Variants in YTHDF2 observed in about 807,000 individuals in gnomAD.
The protein encoded by YTHDF2 is YTH domain-containing family protein 2.
Under a neutral mutation model 50.4 loss-of-function variants are expected in YTHDF2, and 2 were observed. The observed-to-expected ratio is 0.04, with a 90% CI of 0.02 to 0.12. The LOEUF (loss-of-function observed/expected upper bound fraction) is 0.12, where lower values mean the gene tolerates loss of function less well. YTHDF2 is among the 10% of genes least tolerant of loss of function. YTHDF2 has a pLI of 1.00. For synonymous variants in YTHDF2, 217 were observed against 255.6 expected, an observed-to-expected ratio of 0.85 and a Z score of 1.44; for missense variants, 483 against 722.6, an observed-to-expected ratio of 0.67 and a Z score of 3.80.
rs1162203491 is a variant in YTHDF2 at position 28,736,976 on chromosome 1, G to GCGCTGTGTCTC, written c.-139_-129dup. ...GAGTCGGAGCCGGAGCCTGAGCCGC[G>GCGCTGTGTCTC]CGCTGTGTCTCCGCTGCGTCCGCCG... On this transcript the variant is annotated 5_prime_UTR_variant, in exon 1 of 5. Transcript: ENST00000373812. 1 of 1,008,264 alleles carries GCGCTGTGTCTC rather than the reference G, an allele frequency of 9.9e-7. No individual in the cohort carries two copies. The highest frequency in any genetic ancestry group is 1.7e-5 in the African/African-American group (1 of 59,978). 62.5% of individuals were successfully genotyped at this position (1,008,264 alleles called of 1,614,324 possible). A position where few individuals can be genotyped will look rare whatever the true frequency, so the allele number is the denominator to read the frequency against.
At chr1:28,756,495 A>T (rs568675099) in intron 4 of YTHDF2, among the ~76,000 whole-genome samples, 56 of 152,234 alleles carry the variant, frequency 3.7e-4, no homozygotes, top group African/African-American at 1.3e-3. Context: ...CTTTTCTTGG[A>T]ACCTCATGAA....
chr1:28,752,868 C>A (rs1229185531), intron 4 of YTHDF2, among the ~76,000 whole-genome samples: 5 of 151,060 alleles, frequency 3.3e-5, no homozygotes, highest in Admixed American at 3.3e-4. Context: ...CATAGCGAGA[C>A]CTTGTCTCTA....
chr1:28,738,189 C>T lies in YTHDF2; in HGVS notation c.53-70C>T, dbSNP rs935214041. ...ACTAGTAAGGTTTTTCTCTGGTTAG[C>T]ATATATGAACTAATTTGAAAGGAAG... On this transcript the variant is annotated intron_variant, in intron 2 of 4. Transcript: ENST00000373812. The T allele has an allele frequency of 3.2e-6, 4 of 1,247,258 alleles. No homozygotes were observed. In the African/African-American group the frequency reaches 4.5e-5, roughly 14 times the overall value. The allele number at this position is 1,247,258 out of a possible 1,614,324, so 77.3% of individuals were successfully genotyped here.
chr1:28,762,285 G>A (rs1053457857), intron 4 of YTHDF2, among the ~76,000 whole-genome samples: 2 of 152,002 alleles, frequency 1.3e-5, no homozygotes, highest in East Asian at 1.9e-4. Flanking sequence ...CCAGCTACTC[G>A]GGAGGCTGAG....
rs28969505 is a variant in YTHDF2 at position 28,760,271 on chromosome 1, TTGTGTGTG to T, written c.1717-8621_1717-8614del. Among the ~76,000 whole-genome samples, 1,258 of 147,338 alleles carry T rather than the reference TTGTGTGTG, an allele frequency of 8.5e-3. 8 individuals carry two copies. Among genetic ancestry groups the T allele is most frequent in the African/African-American group, 0.019 (749 of 39,902 alleles). On this transcript the variant is annotated intron_variant, in intron 4 of 4. Coordinates refer to ENST00000373812, the MANE Select transcript of YTHDF2 (RefSeq NM_016258.3). ...ATATATAAGCCAATAACATAGTAGG[TTGTGTGTG>T]TGTGTGTGTGTGTGTGTGTGTGTGT...
chr1:28,747,022 C>T (rs1230105687), intron 4 of YTHDF2, among the ~76,000 whole-genome samples: 1 of 151,958 alleles, frequency 6.6e-6, no homozygotes, highest in Non-Finnish European at 1.5e-5. Flanking sequence ...GCGGAGGTTG[C>T]AGTGAGCTGA....
chr1:28,756,023 A>C (rs979861914), intron 4 of YTHDF2, among the ~76,000 whole-genome samples: 9 of 152,310 alleles, frequency 5.9e-5, no homozygotes, highest in African/African-American at 2.2e-4. Context: ...TCTGTTGAAT[A>C]AAAAGTTGCT....
At position 28,759,943 on chromosome 1, in the gene YTHDF2, G is replaced by A. The variant is rs80304825; in HGVS notation, c.1717-8986G>A. On this transcript the variant is annotated intron_variant, in intron 4 of 4. Transcript: ENST00000373812. ...TGTGCTCCAGCGTGGGCAACAGAGCGAGACTCTTGTCTTTAAAAAAAGAAA... is the reference window on the plus strand; with the variant it reads ...TGTGCTCCAGCGTGGGCAACAGAGCAAGACTCTTGTCTTTAAAAAAAGAAA... 1.3e-3 allele frequency among the ~76,000 whole-genome samples: 197 copies of A among 152,290 alleles called. 5 individuals carry two copies. In the East Asian group the frequency reaches 0.034, roughly 26 times the overall value.
intron 4 of YTHDF2, among the ~76,000 whole-genome samples, chr1:28,761,728 G>A (rs2088136466): frequency 6.6e-6 from 1 of 151,932 alleles, no homozygotes; most frequent in Non-Finnish European, 1.5e-5. Flanking sequence ...GCGAAACTCT[G>A]TCTCAAATTC....
At chr1:28,762,922 A>G (rs2088156862) in intron 4 of YTHDF2, among the ~76,000 whole-genome samples, 1 of 151,574 alleles carries the variant, frequency 6.6e-6, no homozygotes, top group Non-Finnish European at 1.5e-5. Context: ...ACCCGGGTTC[A>G]AGTGATTGAT....
intron 4 of YTHDF2, among the ~76,000 whole-genome samples, chr1:28,748,733 G>A (rs930837503): frequency 3.3e-5 from 5 of 152,120 alleles, no homozygotes; most frequent in African/African-American, 1.2e-4. Context: ...TTACCTTGTT[G>A]AATACTGCAG....
At chr1:28,754,332 A>C (rs1403360703) in intron 4 of YTHDF2, among the ~76,000 whole-genome samples, 2 of 152,142 alleles carry the variant, frequency 1.3e-5, no homozygotes, top group Non-Finnish European at 2.9e-5. Flanking sequence ...GTTTGATACC[A>C]GCCTGGCCAA....
intron 4 of YTHDF2, among the ~76,000 whole-genome samples, chr1:28,757,316 T>C (rs914766520): frequency 6.6e-6 from 1 of 152,168 alleles, no homozygotes; most frequent in Non-Finnish European, 1.5e-5. Context: ...GAAGACTTAA[T>C]TTGAATTGGG....
chr1:28,761,108 T>A (rs2088119300), intron 4 of YTHDF2, among the ~76,000 whole-genome samples: 1 of 31,992 alleles, frequency 3.1e-5, no homozygotes, highest in South Asian at 5.6e-4. Context: ...CGTGCATGAG[T>A]GTGTGTGTGT....
chr1:28,744,383 T>A (rs1277938556), intron 4 of YTHDF2, among the ~76,000 whole-genome samples: 1 of 152,200 alleles, frequency 6.6e-6, no homozygotes. Flanking sequence ...TTGGATTAAC[T>A]TGGCCTAGCT....
chr1:28,766,157 T>A (rs76540019), intron 4 of YTHDF2, among the ~76,000 whole-genome samples: 6,852 of 152,306 alleles, frequency 0.045, 219 homozygotes, highest in Middle Eastern at 0.078. Flanking sequence ...TAGGCCAGAG[T>A]GCAGTGGCAC....
intron 4 of YTHDF2, among the ~76,000 whole-genome samples, chr1:28,747,591 C>T (rs561407399): frequency 1.4e-5 from 2 of 141,216 alleles, no homozygotes; most frequent in African/African-American, 2.6e-5. Flanking sequence ...CTCACTCTGT[C>T]GCCCAGGCTG....
At chr1:28,738,530 C>T (rs1473880026) in intron 3 of YTHDF2, among the ~76,000 whole-genome samples, 192 bp downstream of exon 3, 2 of 152,132 alleles carry the variant, frequency 1.3e-5, no homozygotes, top group Non-Finnish European at 2.9e-5. Context: ...CTCCAACTTC[C>T]GCCTCTCGGG....
intron 4 of YTHDF2, among the ~76,000 whole-genome samples, chr1:28,747,179 A>AT (rs2124176534): frequency 6.6e-6 from 1 of 152,296 alleles, no homozygotes; most frequent in Admixed American, 6.5e-5. Flanking sequence ...TAGGTGTAAG[A>AT]TTCGTTTGTT....
Sources: allele counts gnomAD v4.1 joint callset (sites outside exome capture counted in the v4.1 genomes callset), GRCh38; gene constraint gnomAD v4.1.1; transcripts MANE v1.5; gene names NCBI Gene and HGNC (gene_info 2026-07-23, HGNC 2026-07-21).